Variants in BIRC6 observed in about 807,000 individuals in gnomAD.
The protein encoded by BIRC6 is dual E2 ubiquitin-conjugating enzyme/E3 ubiquitin-protein ligase BIRC6.
Under a neutral mutation model 503.3 loss-of-function variants are expected in BIRC6, and 98 were observed. The ratio of observed to expected loss-of-function variants is 0.19; its 90% CI spans 0.17 to 0.23. BIRC6 has a LOEUF of 0.23. BIRC6 is among the 10% of genes least tolerant of loss of function. The probability of loss-of-function intolerance (pLI) is 1.00; values close to 1 mark genes in which losing one functional copy is unlikely to be tolerated. For synonymous variants in BIRC6, 2,240 were observed against 2,078.7 expected (o/e 1.08, Z -2.11); for missense variants, 5,360 against 5,806.0 (o/e 0.92, Z 2.50).
chr2:32,599,858 T>C lies in BIRC6; in HGVS notation c.13950T>C (p.Gly4650=). 1.9e-6 allele frequency: 3 copies of C among 1,613,950 alleles called. No individual in the cohort carries two copies. The highest frequency in any genetic ancestry group is 2.2e-5 in the East Asian group (1 of 44,866). ...PPLVNLETTG[G]HSVRFNPNLY... ...TTGTGAATCTAGAGACAACTGGTGG[T>C]CATAGCGTGCGATTCAATCCAAACC... The change falls in exon 70 of 74, where the codon GGT becomes GGC. Residue 4650 remains glycine (G), a synonymous_variant. Transcript: ENST00000421745.
intron 68 of BIRC6, among the ~76,000 whole-genome samples, chr2:32,596,251 G>A (rs1373143794): frequency 6.6e-6 from 1 of 151,988 alleles, no homozygotes; most frequent in African/African-American, 2.4e-5. Context: ...AGGAGGCCGA[G>A]GTGGGCGGTC....
At chr2:32,416,429 A>G (rs1167756873) in intron 10 of BIRC6, among the ~76,000 whole-genome samples, 1 of 151,842 alleles carries the variant, frequency 6.6e-6, no homozygotes, top group African/African-American at 2.4e-5. Context: ...CTTTTATTTC[A>G]GTGAGTCCCT....
intron 64 of BIRC6, among the ~76,000 whole-genome samples, chr2:32,548,347 A>AT: frequency 1.2e-5 from 1 of 86,156 alleles, no homozygotes; most frequent in Non-Finnish European, 2.5e-5. Context: ...ATTTATTTAT[A>AT]TGCATTTTGG....
In BIRC6 at chr2:32,468,422, C is replaced by T; in HGVS notation, c.5781-15C>T. On this transcript the variant is annotated splice_polypyrimidine_tract_variant and intron_variant, in intron 28 of 73. Coordinates refer to ENST00000421745, the MANE Select transcript of BIRC6 (RefSeq NM_016252.4). ...CATTACAAGAATTATTTTGTTCAAT[C>T]TTTTTTTACTTTAGGTATAACTTGG... The T allele has an allele frequency of 6.5e-7, 1 of 1,531,814 alleles. No individual in the cohort carries two copies. The highest frequency in any genetic ancestry group is 8.8e-7 in the Non-Finnish European group (1 of 1,137,604). 94.9% of individuals were successfully genotyped at this position (1,531,814 alleles called of 1,614,324 possible).
chr2:32,406,301 C>T (rs1402891367), intron 8 of BIRC6, among the ~76,000 whole-genome samples, 198 bp from the exon 9 acceptor site: 1 of 152,028 alleles, frequency 6.6e-6, no homozygotes, highest in Non-Finnish European at 1.5e-5. Flanking sequence ...GAGGCTGAGG[C>T]AGGAGGATTG....
At chr2:32,518,497 C>A in intron 56 of BIRC6, 100 bp downstream of exon 56, 1 of 1,215,404 alleles carries the variant, frequency 8.2e-7, no homozygotes, top group Non-Finnish European at 1.1e-6. Context: ...TCGAGTATAG[C>A]AAAGTGAAAC....
chr2:32,473,543 A>G (rs995259185), intron 33 of BIRC6, among the ~76,000 whole-genome samples: 1 of 151,940 alleles, frequency 6.6e-6, no homozygotes, highest in African/African-American at 2.4e-5. Flanking sequence ...TTCTGCTTTA[A>G]TTCAATCCAT....
In BIRC6 at chr2:32,415,038, A is replaced by T; in HGVS notation, c.1747A>T (p.Ile583Phe). The change falls in exon 10 of 74, where the codon ATT (isoleucine) becomes TTT (phenylalanine). Residue 583 changes from isoleucine to phenylalanine, a missense_variant. This residue lies in a region of BIRC6 where 700 missense variants were observed against 739.3 expected (regional missense o/e 0.95). Transcript: ENST00000421745. ...ATATAAATCTCCTGCTACCTCACCC[A>T]TTAGTAGTAATTCTCACAGGTCACT... ...LTYKSPATSP[I>F]SSNSHRSLDG... 6.2e-6 allele frequency: 10 copies of T among 1,613,904 alleles called. No individual in the cohort carries two copies. Among genetic ancestry groups the T allele is most frequent in the Non-Finnish European group, 8.5e-6 (10 of 1,179,872 alleles).
At chr2:32,514,923 A>T (rs1405309248) in intron 54 of BIRC6, 67 bp from the exon 55 acceptor site, 1 of 1,266,534 alleles carries the variant, frequency 7.9e-7, no homozygotes, top group East Asian at 2.5e-5. Flanking sequence ...ACTATAACAG[A>T]AATATTTGAA....
chr2:32,561,911 G>A (rs1012030759), intron 65 of BIRC6, among the ~76,000 whole-genome samples: 1 of 151,614 alleles, frequency 6.6e-6, no homozygotes, highest in African/African-American at 2.4e-5. Flanking sequence ...GCGTGGTGGT[G>A]GGCCCCTGTA....
chr2:32,469,349 C>T, intron 29 of BIRC6, 46 bp from the exon 30 acceptor site: 3 of 1,386,016 alleles, frequency 2.2e-6, no homozygotes, highest in Non-Finnish European at 2.0e-6. Context: ...TAATATTATA[C>T]AATACATTTA....
chr2:32,518,497 C>G (rs559783053), intron 56 of BIRC6, 100 bp downstream of exon 56: 6 of 1,215,298 alleles, frequency 4.9e-6, no homozygotes, highest in East Asian at 2.4e-5. Context: ...TCGAGTATAG[C>G]AAAGTGAAAC....
intron 54 of BIRC6, among the ~76,000 whole-genome samples, chr2:32,513,839 G>T (rs997390040): frequency 6.6e-6 from 1 of 151,864 alleles, no homozygotes; most frequent in African/African-American, 2.4e-5. Context: ...AACCTGGGAG[G>T]TGGAGGTTGC....
Position 32,500,005 on chromosome 2 carries a change from C to G in BIRC6, c.8927C>G (p.Ser2976Trp), listed in dbSNP as rs1036787776. Residue 2976 changes from serine to tryptophan, a missense_variant, in exon 46 of 74, where the codon TCG (serine) becomes TGG (tryptophan). Ser to Trp is a radical substitution (Grantham distance 177). Transcript: ENST00000421745. ...GGAAGCAGTACCAGTGTTCAAGGAT[C>G]GCCTGCATATGTTGCTGACTTAGTC... ...GNGSSTSVQG[S>W]PAYVADLVLA... is the part of the protein sequence containing the mutation. 5 of 1,613,904 alleles carry G rather than the reference C, an allele frequency of 3.1e-6. No individual in the cohort carries two copies. Among genetic ancestry groups the G allele is most frequent in the Non-Finnish European group, 4.2e-6 (5 of 1,179,860 alleles).
chr2:32,572,222 G>A (rs995229519), intron 65 of BIRC6, among the ~76,000 whole-genome samples: 6 of 152,148 alleles, frequency 3.9e-5, no homozygotes, highest in Non-Finnish European at 8.8e-5. Context: ...ACTGTCCTAC[G>A]TCTGTTAAGT....
At chr2:32,492,458 G>A (rs1251778132) in intron 44 of BIRC6, among the ~76,000 whole-genome samples, 1 of 152,058 alleles carries the variant, frequency 6.6e-6, no homozygotes, top group African/African-American at 2.4e-5. Flanking sequence ...CAGGGTTTTG[G>A]TAGGGGCAGA....
intron 73 of BIRC6, among the ~76,000 whole-genome samples, chr2:32,617,218 A>G (rs1301714624): frequency 6.6e-6 from 1 of 152,132 alleles, no homozygotes; most frequent in African/African-American, 2.4e-5. Flanking sequence ...TGGCCAACAT[A>G]GTGAAACCCC....
Position 32,430,888 on chromosome 2 carries a change from C to T in BIRC6, c.3046C>T (p.Pro1016Ser). The change falls in exon 12 of 74, where the codon CCA becomes TCA. Residue 1016 changes from proline to serine, a missense_variant. Around this residue, in one of 16 missense-constraint regions of BIRC6, gnomAD observed 700 missense variants for 739.3 expected, o/e 0.95. Transcript: ENST00000421745. ...ISGVDLLVDQ[P>S]FTLEILTSLV... Reference sequence around the variant, plus strand: ...AGGAGTTGATTTATTGGTGGACCAGCCATTCACCCTTGAAATCTTGACATC... The same window carrying T: ...AGGAGTTGATTTATTGGTGGACCAGTCATTCACCCTTGAAATCTTGACATC... 1 of 1,608,636 alleles carries T rather than the reference C, an allele frequency of 6.2e-7. No homozygotes were observed. Among genetic ancestry groups the T allele is most frequent in the Non-Finnish European group, 8.5e-7 (1 of 1,177,840 alleles).
At chr2:32,569,171 T>TA (rs2150912316) in intron 65 of BIRC6, among the ~76,000 whole-genome samples, 1 of 152,004 alleles carries the variant, frequency 6.6e-6, no homozygotes, top group East Asian at 1.9e-4. Flanking sequence ...TGTATTTTAG[T>TA]AGAGATGGGG....
Sources: gnomAD v4.1 joint callset for allele counts (sites outside exome capture counted in the v4.1 genomes callset) on GRCh38, gnomAD v4.1.1 for gene constraint, gnomAD v4.1.1 regional missense constraint, MANE v1.5 for transcripts, NCBI Gene and HGNC (gene_info 2026-07-23, HGNC 2026-07-21) for gene names.